KLF12: variants seen among roughly 807,000 people sequenced by gnomAD.
The protein encoded by KLF12 is Krueppel-like factor 12.
A neutral mutation model predicts 37.8 loss-of-function variants in KLF12; 9 were observed. That is an observed-to-expected ratio of 0.24 (90% CI 0.14 to 0.42). KLF12 has a LOEUF of 0.42. Ranked by LOEUF, KLF12 falls within the 10% of genes least tolerant of loss-of-function variation. The probability of loss-of-function intolerance (pLI) is 1.00; values close to 1 mark genes in which losing one functional copy is unlikely to be tolerated. For missense variants in KLF12, 411 were observed against 516.0 expected (o/e 0.80, Z 1.97); for synonymous variants, 208 against 202.1 (o/e 1.03, Z -0.25).
chr13:74,052,922 T>A (rs144308411), intron 1 of KLF12, among the ~76,000 whole-genome samples: 45 of 152,300 alleles, frequency 3.0e-4, no homozygotes, highest in South Asian at 4.1e-4. Flanking sequence ...ATGAAATATC[T>A]TGTTTTCCCT....
intron 1 of KLF12, among the ~76,000 whole-genome samples, chr13:74,048,401 T>A (rs1893603737): frequency 6.6e-6 from 1 of 151,908 alleles, no homozygotes; most frequent in African/African-American, 2.4e-5. Flanking sequence ...ATATGCTACA[T>A]AATTGCTGTT....
chr13:74,286,032 C>T, the KLF12 span, among the ~76,000 whole-genome samples: 1 of 152,146 alleles, frequency 6.6e-6, no homozygotes, highest in Non-Finnish European at 1.5e-5. Context: ...ATTAGGACTA[C>T]CCTCTCCCCA....
chr13:73,892,348 T>C (rs1410788874), intron 3 of KLF12, among the ~76,000 whole-genome samples: 2 of 152,116 alleles, frequency 1.3e-5, no homozygotes, highest in Non-Finnish European at 2.9e-5. Context: ...AGAACAGCAT[T>C]ACTGTTCTCA....
intron 1 of KLF12, among the ~76,000 whole-genome samples, chr13:74,092,068 T>A (rs1266242563): frequency 1.3e-5 from 2 of 149,976 alleles, no homozygotes; most frequent in Admixed American, 1.3e-4. Flanking sequence ...GGCGGGCAGA[T>A]CACGAGGTCA....
At chr13:73,754,510 T>C (rs906805523) in intron 6 of KLF12, among the ~76,000 whole-genome samples, 3 of 152,154 alleles carry the variant, frequency 2.0e-5, no homozygotes, top group African/African-American at 7.2e-5. Flanking sequence ...ATCTGTAGTT[T>C]AGTGGTGCTT....
In KLF12 at chr13:73,955,186, A is replaced by T. The variant is rs188595764; in HGVS notation, c.34-11116T>A. Among the ~76,000 whole-genome samples, 60 of 152,334 alleles carry T rather than the reference A, an allele frequency of 3.9e-4. 1 individual carries two copies. The East Asian group carries it at 0.012, about 29-fold the overall frequency. Reference sequence around the variant, plus strand: ...AATGTTAATAGGTAATATTTAAATAATTATAATTAGTAATAGCAGTAATAG... The same window carrying T: ...AATGTTAATAGGTAATATTTAAATATTTATAATTAGTAATAGCAGTAATAG... On this transcript the variant is annotated intron_variant, in intron 2 of 7. Transcript: ENST00000377669.
intron 1 of KLF12, among the ~76,000 whole-genome samples, chr13:74,063,399 T>C (rs1873725832): frequency 6.6e-6 from 1 of 150,516 alleles, no homozygotes; most frequent in Non-Finnish European, 1.5e-5. Flanking sequence ...TTATTTCCTA[T>C]GCTAACCTTC....
At chr13:74,078,651 C>T (rs1202705041) in intron 1 of KLF12, among the ~76,000 whole-genome samples, 1 of 152,116 alleles carries the variant, frequency 6.6e-6, no homozygotes, top group Non-Finnish European at 1.5e-5. Context: ...CACTTTTATT[C>T]TCTATTATTG....
chr13:74,244,639 C>T, the KLF12 span, among the ~76,000 whole-genome samples: 1 of 152,184 alleles, frequency 6.6e-6, no homozygotes, highest in African/African-American at 2.4e-5. Flanking sequence ...CTGCCCTCCA[C>T]TGTGGGTTTT....
At chr13:73,929,725 G>A (rs1043597860) in intron 3 of KLF12, among the ~76,000 whole-genome samples, 1 of 152,146 alleles carries the variant, frequency 6.6e-6, no homozygotes, top group Non-Finnish European at 1.5e-5. Context: ...TGCCAGAAAT[G>A]TCACAGCCTC....
Position 73,695,385 on chromosome 13 carries a change from TG to T in KLF12, c.*104del. On this transcript the variant is annotated 3_prime_UTR_variant, in exon 8 of 8. Transcript: ENST00000377669. ...TGCTCTGGTTTCAGACATCGTGGGA[TG>T]GTGATGCCCTTTTGTGTTAACACTG... is the stretch of plus-strand genomic sequence containing the variant. 1 of 1,077,618 alleles carries T rather than the reference TG, an allele frequency of 9.3e-7. No homozygotes were observed. Among genetic ancestry groups the T allele is most frequent in the Non-Finnish European group, 1.4e-6 (1 of 737,410 alleles). 66.8% of individuals were successfully genotyped at this position (1,077,618 alleles called of 1,614,324 possible). A position where few individuals can be genotyped will look rare whatever the true frequency, so the allele number is the denominator to read the frequency against.
At chr13:74,269,443 G>A in the KLF12 span, among the ~76,000 whole-genome samples, 1 of 152,120 alleles carries the variant, frequency 6.6e-6, no homozygotes, top group South Asian at 2.1e-4. Context: ...CAATATTTAT[G>A]TGTGATGGAG....
At chr13:73,955,425 T>C (rs1399241490) in intron 2 of KLF12, among the ~76,000 whole-genome samples, 2 of 152,212 alleles carry the variant, frequency 1.3e-5, no homozygotes, top group Admixed American at 6.5e-5. Flanking sequence ...AATTGTGGAA[T>C]ACATTAATAT....
chr13:74,155,506 C>A, the KLF12 span, among the ~76,000 whole-genome samples: 2 of 152,016 alleles, frequency 1.3e-5, no homozygotes, highest in African/African-American at 4.8e-5. Context: ...GGATTACAAG[C>A]ACCCGCCACC....
chr13:73,976,849 A>C (rs1322283543), intron 2 of KLF12, among the ~76,000 whole-genome samples: 1 of 152,154 alleles, frequency 6.6e-6, no homozygotes, highest in Non-Finnish European at 1.5e-5. Flanking sequence ...AGCATAGTTC[A>C]AAACGTTATG....
intron 1 of KLF12, among the ~76,000 whole-genome samples, chr13:74,045,793 T>C (rs1170124660): frequency 6.6e-6 from 1 of 152,136 alleles, no homozygotes; most frequent in Non-Finnish European, 1.5e-5. Context: ...CCAGATTGAG[T>C]GTGCGTGTGT....
the KLF12 span, among the ~76,000 whole-genome samples, chr13:74,227,121 C>T: frequency 2.8e-4 from 43 of 152,288 alleles, no homozygotes; most frequent in East Asian, 5.2e-3. Context: ...ATACACCCTA[C>T]ATGGGTAGCA....
intron 1 of KLF12, among the ~76,000 whole-genome samples, chr13:74,050,208 G>A (rs1872821648): frequency 6.6e-6 from 1 of 152,124 alleles, no homozygotes. Flanking sequence ...GAATCTTAAT[G>A]GCATCCCAAT....
chr13:74,055,250 G>C (rs1873181816), intron 1 of KLF12, among the ~76,000 whole-genome samples: 1 of 152,184 alleles, frequency 6.6e-6, no homozygotes, highest in African/African-American at 2.4e-5. Flanking sequence ...TCAAGTAGTT[G>C]GAAGTTTAGA....
Sources: gnomAD v4.1 joint callset for allele counts (sites outside exome capture counted in the v4.1 genomes callset) on GRCh38, gnomAD v4.1.1 for gene constraint, MANE v1.5 for transcripts, NCBI Gene and HGNC (gene_info 2026-07-23, HGNC 2026-07-21) for gene names.